FHIT: variants seen among roughly 807,000 people sequenced by gnomAD.
FHIT encodes the protein fragile histidine triad diadenosine triphosphatase, also known as bis(5'-adenosyl)-triphosphatase.
A neutral mutation model predicts 17.9 loss-of-function variants in FHIT; 19 were observed. The observed-to-expected ratio is 1.06, with a 90% confidence interval of 0.74 to 1.56. The LOEUF is 1.56. FHIT is among the 40% of genes most tolerant of loss of function. The probability of loss-of-function intolerance (pLI) is 0.00; values close to 1 mark genes in which losing one functional copy is unlikely to be tolerated. For missense variants in FHIT, 248 were observed against 189.2 expected (o/e 1.31, Z -1.82); for synonymous variants, 81 against 69.7 (o/e 1.16, Z -0.81).
chr3:60,226,194 T>C (rs1704190299), intron 5 of FHIT, among the ~76,000 whole-genome samples: 1 of 152,066 alleles, frequency 6.6e-6, no homozygotes, highest in Admixed American at 6.5e-5. Flanking sequence ...CACTGTTGGC[T>C]GGGCGCAGTG....
intron 5 of FHIT, among the ~76,000 whole-genome samples, chr3:60,534,423 G>C (rs529217023): frequency 1.2e-5 from 1 of 80,778 alleles, no homozygotes; most frequent in Non-Finnish European, 2.4e-5. Flanking sequence ...CTGGGCGACA[G>C]AGCGAGACTC....
At chr3:60,509,127 C>T (rs1189425182) in intron 5 of FHIT, among the ~76,000 whole-genome samples, 1 of 152,130 alleles carries the variant, frequency 6.6e-6, no homozygotes, top group Non-Finnish European at 1.5e-5. Flanking sequence ...ATCTACCAAG[C>T]AAGAGATCCA....
intron 5 of FHIT, among the ~76,000 whole-genome samples, chr3:60,111,533 A>G (rs936893041): frequency 6.6e-6 from 1 of 152,226 alleles, no homozygotes; most frequent in African/African-American, 2.4e-5. Flanking sequence ...CTTTGGGGCT[A>G]TCTTTCCTTC....
At chr3:60,938,585 C>T (rs1708288143) in intron 3 of FHIT, among the ~76,000 whole-genome samples, 1 of 152,178 alleles carries the variant, frequency 6.6e-6, no homozygotes, top group African/African-American at 2.4e-5. Flanking sequence ...CCTAATCAGG[C>T]AGCAATCTGA....
chr3:60,955,607 T>TATATATATATATATACATATATATATAC (rs1709086493), intron 3 of FHIT, among the ~76,000 whole-genome samples: 3 of 11,562 alleles, frequency 2.6e-4, no homozygotes, highest in Non-Finnish European at 6.3e-4. Flanking sequence ...CATATATATA[T>TATATATATATATATACATATATATATAC]ATATATATAT....
intron 3 of FHIT, among the ~76,000 whole-genome samples, chr3:60,938,621 G>A (rs2107402092): frequency 6.6e-6 from 1 of 152,310 alleles, no homozygotes; most frequent in South Asian, 2.1e-4. Flanking sequence ...AACAAGAGGA[G>A]TTCATCTGAT....
intron 5 of FHIT, among the ~76,000 whole-genome samples, chr3:60,032,847 C>T (rs1018370419): frequency 1.3e-5 from 2 of 152,220 alleles, no homozygotes; most frequent in Non-Finnish European, 1.5e-5. Context: ...ACCTGAATTT[C>T]TAATTTTACT....
chr3:61,170,839 T>C (rs185991564), intron 2 of FHIT, among the ~76,000 whole-genome samples: 2 of 152,320 alleles, frequency 1.3e-5, no homozygotes, highest in East Asian at 3.9e-4. Flanking sequence ...AACATATGCA[T>C]GCATGTGTGT....
intron 5 of FHIT, among the ~76,000 whole-genome samples, chr3:60,446,819 A>G (rs946980606): frequency 5.3e-5 from 8 of 151,136 alleles, no homozygotes; most frequent in East Asian, 1.9e-4. Context: ...TTCTACTGCA[A>G]TCCAGCCTGG....
intron 5 of FHIT, among the ~76,000 whole-genome samples, chr3:60,215,166 A>G (rs1212731148): frequency 6.6e-6 from 1 of 152,096 alleles, no homozygotes; most frequent in African/African-American, 2.4e-5. Flanking sequence ...CCTGGAATCT[A>G]AAATAAAATA....
At chr3:60,250,122 A>G (rs371665155) in intron 5 of FHIT, among the ~76,000 whole-genome samples, 4 of 152,072 alleles carry the variant, frequency 2.6e-5, no homozygotes, top group African/African-American at 9.7e-5. Context: ...CGTAGAGAGA[A>G]AAAAGGGGAA....
intron 5 of FHIT, among the ~76,000 whole-genome samples, chr3:60,386,768 G>A (rs866423369): frequency 2.6e-5 from 4 of 152,110 alleles, no homozygotes; most frequent in East Asian, 1.9e-4. Context: ...ATTTGTGAAG[G>A]GCCTACTGTG....
chr3:60,527,840 G>A (rs1240222660), intron 5 of FHIT, among the ~76,000 whole-genome samples: 2 of 152,206 alleles, frequency 1.3e-5, no homozygotes, highest in South Asian at 2.1e-4. Context: ...CATGTGAAAT[G>A]TAACTGGAGA....
chr3:61,155,258 CAG>C (rs2037502023), intron 2 of FHIT, among the ~76,000 whole-genome samples: 1 of 152,176 alleles, frequency 6.6e-6, no homozygotes, highest in Admixed American at 6.5e-5. Flanking sequence ...CCCGCAGACA[CAG>C]AGATTCAATG....
At chr3:60,341,814 C>T (rs1437570186) in intron 5 of FHIT, among the ~76,000 whole-genome samples, 2 of 152,080 alleles carry the variant, frequency 1.3e-5, no homozygotes, top group African/African-American at 4.8e-5. Flanking sequence ...GTGTGTAAGG[C>T]TACCAGGGAA....
Position 60,193,738 on chromosome 3 carries a change from C to A in FHIT, c.104-179586G>T, listed in dbSNP as rs184467637. Among the ~76,000 whole-genome samples the A allele has an allele frequency of 2.2e-3, 335 of 152,272 alleles. 1 individual carries two copies. Among genetic ancestry groups the A allele is most frequent in the Non-Finnish European group, 3.1e-3 (214 of 68,032 alleles). On this transcript the variant is annotated intron_variant, in intron 5 of 9. Coordinates refer to ENST00000492590, the MANE Select transcript of FHIT (RefSeq NM_002012.4). ...CCTGCAAACAGTTTAGTGGGGGACACAGGCTTTCACATATATGACTGTAGC... is the reference window on the plus strand; with the variant it reads ...CCTGCAAACAGTTTAGTGGGGGACAAAGGCTTTCACATATATGACTGTAGC...
intron 8 of FHIT, among the ~76,000 whole-genome samples, chr3:59,881,865 AT>A (rs1472270120): frequency 6.6e-6 from 1 of 152,212 alleles, no homozygotes; most frequent in East Asian, 1.9e-4. Context: ...TCCCCATATC[AT>A]TTCTGGTAGA....
At chr3:61,120,100 T>C (rs761742529) in intron 2 of FHIT, among the ~76,000 whole-genome samples, 1 of 152,220 alleles carries the variant, frequency 6.6e-6, no homozygotes, top group Non-Finnish European at 1.5e-5. Flanking sequence ...AAAACTTGAA[T>C]GACCTGGGTT....
intron 4 of FHIT, among the ~76,000 whole-genome samples, chr3:60,749,137 C>T (rs921364196): frequency 6.6e-6 from 1 of 152,040 alleles, no homozygotes; most frequent in Non-Finnish European, 1.5e-5. Flanking sequence ...CATCCAGGTA[C>T]GAGTGGTCTC....
Sources: allele counts gnomAD v4.1 joint callset (sites outside exome capture counted in the v4.1 genomes callset), GRCh38; gene constraint gnomAD v4.1.1; transcripts MANE v1.5; gene names NCBI Gene and HGNC (gene_info 2026-07-23, HGNC 2026-07-21).